CHST8: variants seen among roughly 807,000 people sequenced by gnomAD.
CHST8 encodes the protein carbohydrate sulfotransferase 8.
In CHST8, 10 loss-of-function variants were observed where a neutral mutation model predicts 15.0. The observed-to-expected ratio is 0.67, with a 90% CI of 0.41 to 1.13. CHST8 has a LOEUF of 1.13. CHST8 is among the 50% of genes most tolerant of loss of function. The probability of loss-of-function intolerance (pLI) is 0.00; values close to 1 mark genes in which losing one functional copy is unlikely to be tolerated. For missense variants in CHST8, 634 were observed against 608.2 expected (o/e 1.04, Z -0.45); for synonymous variants, 259 against 256.6 (o/e 1.01, Z -0.09).
At chr19:33,711,398 C>G (rs1027600536) in intron 3 of CHST8, among the ~76,000 whole-genome samples, 3 of 152,090 alleles carry the variant, frequency 2.0e-5, no homozygotes, top group African/African-American at 7.2e-5. Flanking sequence ...GAACCTCTGG[C>G]CATTGGTGGA....
At chr19:33,740,743 A>G (rs1342449039) in intron 3 of CHST8, among the ~76,000 whole-genome samples, 1 of 152,168 alleles carries the variant, frequency 6.6e-6, no homozygotes, top group Non-Finnish European at 1.5e-5. Flanking sequence ...TCTTTCCATC[A>G]GCCCCCAGAA....
At chr19:33,629,562 A>C (rs1972097507) in intron 1 of CHST8, among the ~76,000 whole-genome samples, 1 of 152,174 alleles carries the variant, frequency 6.6e-6, no homozygotes, top group South Asian at 2.1e-4. Flanking sequence ...CCTATCTACC[A>C]GGCTCTGTCC....
At chr19:33,632,544 G>A (rs903395292) in intron 1 of CHST8, among the ~76,000 whole-genome samples, 2 of 152,032 alleles carry the variant, frequency 1.3e-5, no homozygotes, top group East Asian at 1.9e-4. Context: ...TATTCCAAGT[G>A]TAGTACACAT....
At chr19:33,695,020 A>G (rs10415629) in intron 3 of CHST8, among the ~76,000 whole-genome samples, 54,418 of 147,586 alleles carry the variant, frequency 0.37, 10,229 homozygotes, top group Middle Eastern at 0.49. Context: ...TAGTCTTGCC[A>G]TGAAAGCTCA....
At chr19:33,692,671 G>A (rs1973120583) in intron 3 of CHST8, among the ~76,000 whole-genome samples, 1 of 152,198 alleles carries the variant, frequency 6.6e-6, no homozygotes, top group Non-Finnish European at 1.5e-5. Flanking sequence ...CTGCGCTCCA[G>A]CCTGGGTGAC....
intron 1 of CHST8, among the ~76,000 whole-genome samples, chr19:33,625,377 C>A (rs577356746): frequency 6.6e-6 from 1 of 151,870 alleles, no homozygotes; most frequent in East Asian, 2.0e-4. Context: ...TACCGCGCCC[C>A]GCATGGCTGC....
chr19:33,740,008 G>T (rs1974156523), intron 3 of CHST8, among the ~76,000 whole-genome samples: 1 of 152,066 alleles, frequency 6.6e-6, no homozygotes, highest in Non-Finnish European at 1.5e-5. Flanking sequence ...TCATTTTCCT[G>T]GTGAGTCTTT....
intron 2 of CHST8, among the ~76,000 whole-genome samples, chr19:33,682,004 T>G (rs1972897588): frequency 6.6e-6 from 1 of 151,744 alleles, no homozygotes. Flanking sequence ...TACAGGTGGC[T>G]GCCACCATGC....
intron 2 of CHST8, among the ~76,000 whole-genome samples, chr19:33,679,112 G>T (rs1234009534): frequency 1.3e-5 from 2 of 152,238 alleles, no homozygotes; most frequent in African/African-American, 4.8e-5. Flanking sequence ...GGACTGCCTT[G>T]TGTGTCTGCA....
At chr19:33,645,787 G>GA (rs1568313150) in intron 1 of CHST8, among the ~76,000 whole-genome samples, 1 of 152,182 alleles carries the variant, frequency 6.6e-6, no homozygotes, top group East Asian at 1.9e-4. Context: ...TGGCTGCCCA[G>GA]AAAAGCCAAT....
chr19:33,686,000 T>C (rs1972972399), intron 2 of CHST8, among the ~76,000 whole-genome samples: 1 of 152,124 alleles, frequency 6.6e-6, no homozygotes, highest in Non-Finnish European at 1.5e-5. Context: ...TGATTCCTGT[T>C]TGCACGGAGC....
chr19:33,725,011 A>G (rs1243370199), intron 3 of CHST8, among the ~76,000 whole-genome samples: 2 of 152,070 alleles, frequency 1.3e-5, no homozygotes, highest in Non-Finnish European at 2.9e-5. Flanking sequence ...AGCCATCGGC[A>G]GCGCACAGCT....
At chr19:33,764,108 G>A (rs1294618118) in intron 3 of CHST8, among the ~76,000 whole-genome samples, 1 of 152,202 alleles carries the variant, frequency 6.6e-6, no homozygotes, top group Non-Finnish European at 1.5e-5. Flanking sequence ...CCTGGGCCCA[G>A]CTTCTGGGAA....
At chr19:33,634,251 A>C (rs1039567363) in intron 1 of CHST8, among the ~76,000 whole-genome samples, 1 of 152,070 alleles carries the variant, frequency 6.6e-6, no homozygotes, top group Non-Finnish European at 1.5e-5. Context: ...AGTTTTTCCC[A>C]TTTTAGCCAT....
intron 1 of CHST8, among the ~76,000 whole-genome samples, chr19:33,645,067 A>G (rs956591335): frequency 2.0e-5 from 3 of 152,146 alleles, no homozygotes; most frequent in South Asian, 2.1e-4. Context: ...TCTACAGTCT[A>G]TAGGACAGCC....
chr19:33,627,121 C>T (rs577570604), intron 1 of CHST8, among the ~76,000 whole-genome samples: 5 of 142,490 alleles, frequency 3.5e-5, no homozygotes, highest in Admixed American at 7.1e-5. Context: ...GGTGGGGTGA[C>T]GGAGTCTCGC....
chr19:33,656,510 G>C (rs1972511796), intron 1 of CHST8, among the ~76,000 whole-genome samples: 1 of 152,120 alleles, frequency 6.6e-6, no homozygotes, highest in African/African-American at 2.4e-5. Context: ...CCTGGTATTT[G>C]ATATGTGGTC....
intron 1 of CHST8, among the ~76,000 whole-genome samples, chr19:33,627,765 C>T (rs1972074473): frequency 1.3e-5 from 2 of 152,114 alleles, no homozygotes; most frequent in Non-Finnish European, 2.9e-5. Flanking sequence ...TGTCACTGTC[C>T]CTCGCCCTGC....
chr19:33,695,662 C>T (rs146444806), intron 3 of CHST8, among the ~76,000 whole-genome samples: 382 of 152,082 alleles, frequency 2.5e-3, no homozygotes, highest in South Asian at 4.8e-3. Context: ...TGAGAACATG[C>T]GGTATTTGGT....
Sources: allele counts gnomAD v4.1 joint callset (sites outside exome capture counted in the v4.1 genomes callset), GRCh38; gene constraint gnomAD v4.1.1; transcripts MANE v1.5; gene names NCBI Gene and HGNC (gene_info 2026-07-23, HGNC 2026-07-21).